ASS1: variants seen among roughly 807,000 people sequenced by gnomAD.
ASS1 encodes argininosuccinate synthase.
ASS1 carries 58 observed loss-of-function variants against 60.5 expected under a neutral mutation model. The observed-to-expected ratio is 0.96, with a 90% CI of 0.78 to 1.19. The LOEUF is 1.19. ASS1 is among the 50% of genes most tolerant of loss of function. The pLI is 0.00. For synonymous variants in ASS1, 200 were observed against 206.9 expected (o/e 0.97, Z 0.29); for missense variants, 454 against 547.3 (o/e 0.83, Z 1.70).
rs60423466 is a variant in ASS1, at chr9:130,491,241, C to T, written c.970+1777C>T. 0.1 allele frequency among the ~76,000 whole-genome samples: 15,856 copies of T among 152,122 alleles called. 930 individuals carry two copies. The highest frequency in any genetic ancestry group is 0.12 in the African/African-American group (5,100 of 41,472). On this transcript the variant is annotated intron_variant, in intron 12 of 14. Coordinates refer to ENST00000352480, the MANE Select transcript of ASS1 (RefSeq NM_054012.4). This position sits in a 1 kb window ranked among gnomAD's most constrained non-coding sequence, Gnocchi z 5.3. ...GTCTCCTGCAGGCTTTCCAGCCCGG[C>T]GGGATTGCGACCCCGAAAGGAGGAT...
At chr9:130,498,706 G>T (rs1027275016) in intron 13 of ASS1, among the ~76,000 whole-genome samples, 6 of 152,228 alleles carry the variant, frequency 3.9e-5, no homozygotes, top group African/African-American at 1.4e-4. Context: ...CAAGGCTGAG[G>T]CTCCGAGTGC....
intron 8 of ASS1, among the ~76,000 whole-genome samples, chr9:130,472,087 CT>C (rs1845880255): frequency 6.6e-6 from 1 of 152,102 alleles, no homozygotes; most frequent in African/African-American, 2.4e-5. Context: ...GTGTCTACCC[CT>C]GCCCACTGTG....
intron 8 of ASS1, among the ~76,000 whole-genome samples, chr9:130,473,581 G>C (rs562796586): frequency 6.6e-6 from 1 of 152,318 alleles, no homozygotes; most frequent in South Asian, 2.1e-4. Flanking sequence ...TTTGTGCTGA[G>C]GGTGGGGCTC....
Position 130,476,728 on chromosome 9 carries a change from C to T in ASS1, c.598-143C>T, listed in dbSNP as rs1846028477. 2.5e-6 allele frequency: 2 copies of T among 812,356 alleles called. No homozygotes were observed. The highest frequency in any genetic ancestry group is 4.3e-6 in the Non-Finnish European group (2 of 462,546). 50.3% of individuals were successfully genotyped at this position (812,356 alleles called of 1,614,324 possible). ...AGCGAGGCTGGTGCTAGGCTGAGGG[C>T]TGGGGACCGGGGGATCTGCCGGACC... On this transcript the variant is annotated intron_variant, in intron 8 of 14. Transcript: ENST00000352480. The surrounding 1 kb of genome is among the most constrained non-coding windows in gnomAD (Gnocchi z 4.9).
At chr9:130,464,711 G>A (rs1437364430) in intron 5 of ASS1, among the ~76,000 whole-genome samples, 1 of 152,130 alleles carries the variant, frequency 6.6e-6, no homozygotes, top group Non-Finnish European at 1.5e-5. Flanking sequence ...CCCGTGGCAT[G>A]TCACCCAGGC....
chr9:130,487,928 T>G (rs1846347335), intron 11 of ASS1, among the ~76,000 whole-genome samples: 1 of 152,092 alleles, frequency 6.6e-6, no homozygotes, highest in African/African-American at 2.4e-5. Flanking sequence ...ATTTTTTTGT[T>G]ATTTTTAGTA....
At chr9:130,481,673 A>G (rs1308252048) in intron 11 of ASS1, among the ~76,000 whole-genome samples, 1 of 152,134 alleles carries the variant, frequency 6.6e-6, no homozygotes, top group East Asian at 1.9e-4. Context: ...AGGCGCTGGG[A>G]GTTGCATCAC....
At chr9:130,474,076 A>G (rs1215941) in intron 8 of ASS1, among the ~76,000 whole-genome samples, 3,965 of 23,914 alleles carry the variant, frequency 0.17, 230 homozygotes, top group Admixed American at 0.25. Context: ...CCCCCCCCCC[A>G]CAGATGACAT....
At chr9:130,497,032 C>T (rs1230229298) in intron 13 of ASS1, among the ~76,000 whole-genome samples, 2 of 152,250 alleles carry the variant, frequency 1.3e-5, no homozygotes, top group Non-Finnish European at 2.9e-5. Flanking sequence ...TTTCTAAACA[C>T]TTTATAAGCC....
At chr9:130,492,151 C>G (rs1471866409) in intron 12 of ASS1, among the ~76,000 whole-genome samples, 1 of 152,146 alleles carries the variant, frequency 6.6e-6, no homozygotes, top group African/African-American at 2.4e-5. Flanking sequence ...ACTGCGAGCG[C>G]CCGGCGTGGT....
At chr9:130,475,391 A>G (rs1845988549) in intron 8 of ASS1, among the ~76,000 whole-genome samples, 1 of 152,254 alleles carries the variant, frequency 6.6e-6, no homozygotes, top group African/African-American at 2.4e-5. Flanking sequence ...GGCCAAGGGC[A>G]GGTATCATTT....
chr9:130,445,382 T>TG (rs1000963627), intron 1 of ASS1, among the ~76,000 whole-genome samples: 11 of 151,822 alleles, frequency 7.2e-5, no homozygotes, highest in Admixed American at 1.3e-4. Context: ...CCGGAGCGTG[T>TG]GGGGGGGCTC....
intron 4 of ASS1, among the ~76,000 whole-genome samples, chr9:130,462,274 C>T (rs1588479062): frequency 6.6e-6 from 1 of 152,338 alleles, no homozygotes; most frequent in East Asian, 1.9e-4. Flanking sequence ...CCCAGGCCCC[C>T]CAGTCCCAGT....
chr9:130,483,301 T>C (rs1171911116), intron 11 of ASS1, among the ~76,000 whole-genome samples: 1 of 151,044 alleles, frequency 6.6e-6, no homozygotes, highest in East Asian at 2.0e-4. Flanking sequence ...TTTGTATTGA[T>C]TTTACAAAGC....
chr9:130,455,194 A>G (rs934931898), intron 3 of ASS1, among the ~76,000 whole-genome samples: 3 of 148,960 alleles, frequency 2.0e-5, no homozygotes, highest in African/African-American at 7.5e-5. Flanking sequence ...TCATCCATCC[A>G]TCATCTACCC....
intron 4 of ASS1, among the ~76,000 whole-genome samples, chr9:130,463,198 T>G (rs1315639117): frequency 6.6e-6 from 1 of 152,240 alleles, no homozygotes; most frequent in Non-Finnish European, 1.5e-5. Flanking sequence ...AAAAGGTCCC[T>G]CTGTCATTTC....
chr9:130,467,330 A>G (rs1433883189), intron 6 of ASS1, among the ~76,000 whole-genome samples: 3 of 152,202 alleles, frequency 2.0e-5, no homozygotes, highest in Admixed American at 6.5e-5. Context: ...AAGTTGCAAT[A>G]AAACATATTA....
Position 130,459,752 on chromosome 9 carries a change from G to A in ASS1, c.363+1163G>A, listed in dbSNP as rs1363079848. Among the ~76,000 whole-genome samples the A allele has an allele frequency of 1.3e-5, 2 of 152,198 alleles. No homozygotes were observed. Among genetic ancestry groups the A allele is most frequent in the African/African-American group, 4.8e-5 (2 of 41,460 alleles). Reference sequence around the variant, plus strand: ...GCCCAGCCTTAACTTGGTTATTTCTGTTAAGACCACATGAGGCCACATTCG... The same window carrying A: ...GCCCAGCCTTAACTTGGTTATTTCTATTAAGACCACATGAGGCCACATTCG... On this transcript the variant is annotated intron_variant, in intron 4 of 14. Transcript: ENST00000352480. This position sits in a 1 kb window ranked among gnomAD's most constrained non-coding sequence, Gnocchi z 4.6.
Position 130,491,417 on chromosome 9 carries a change from G to A in ASS1, c.970+1953G>A, listed in dbSNP as rs756446082. Among the ~76,000 whole-genome samples, 119 of 152,300 alleles carry A rather than the reference G, an allele frequency of 7.8e-4. No homozygotes were observed. The highest frequency in any genetic ancestry group is 1.5e-3 in the Non-Finnish European group (103 of 68,030). On this transcript the variant is annotated intron_variant, in intron 12 of 14. Transcript: ENST00000352480. This position sits in a 1 kb window ranked among gnomAD's most constrained non-coding sequence, Gnocchi z 5.3. ...CATCTTGCTGCTAGGCTCTGAGCTGGGCACCTGATGGGGTATTATCTAATA... is the reference window on the plus strand; with the variant it reads ...CATCTTGCTGCTAGGCTCTGAGCTGAGCACCTGATGGGGTATTATCTAATA...
Sources: allele counts gnomAD v4.1 joint callset (sites outside exome capture counted in the v4.1 genomes callset), GRCh38; gene constraint gnomAD v4.1.1; non-coding constraint Gnocchi (gnomAD v3.1); transcripts MANE v1.5; gene names NCBI Gene and HGNC (gene_info 2026-07-23, HGNC 2026-07-21).